The following TBC1D31 variants were observed in gnomAD, a reference collection of about 807,000 sequenced individuals.
The protein encoded by TBC1D31 is WD repeat domain 67.
A neutral mutation model predicts 132.9 loss-of-function variants in TBC1D31; 99 were observed. The observed-to-expected ratio is 0.74, with a 90% confidence interval of 0.63 to 0.88. TBC1D31 has a LOEUF of 0.88. Among genes scored for constraint, TBC1D31 ranks in the 40% least tolerant of loss-of-function variants. The probability of loss-of-function intolerance (pLI) is 0.00; values close to 1 mark genes in which losing one functional copy is unlikely to be tolerated. For missense variants in TBC1D31, 1,134 were observed against 1,256.6 expected (o/e 0.90, Z 1.48); for synonymous variants, 385 against 419.4 (o/e 0.92, Z 1.00).
chr8:123,127,655 G>A (rs1820200966), intron 13 of TBC1D31, among the ~76,000 whole-genome samples: 1 of 152,118 alleles, frequency 6.6e-6, no homozygotes, highest in South Asian at 2.1e-4. Flanking sequence ...TGGTCTTAGA[G>A]GGTCTGAATG....
At chr8:123,131,355 C>G (rs1420177560) in intron 16 of TBC1D31, among the ~76,000 whole-genome samples, 1 of 107,734 alleles carries the variant, frequency 9.3e-6, no homozygotes, top group Non-Finnish European at 1.7e-5. Flanking sequence ...CAGAGTGAGA[C>G]TCAGTCTCAA....
At position 123,129,073 on chromosome 8, in the gene TBC1D31, G is replaced by A; in HGVS notation, c.2125G>A (p.Val709Ile). 1 of 1,588,034 alleles carries A rather than the reference G, an allele frequency of 6.3e-7. No homozygotes were observed. The highest frequency in any genetic ancestry group is 8.6e-7 in the Non-Finnish European group (1 of 1,164,142). Reference sequence around the variant, plus strand: ...TAATATTACCTACTTAAGGCAGACAGTTGAAGATATGCAAGCTAAAGTCGA... The same window carrying A: ...TAATATTACCTACTTAAGGCAGACAATTGAAGATATGCAAGCTAAAGTCGA... Reference protein sequence around the residue: ...ELDYLRERQTVEDMQAKVDQQ... With the variant: ...ELDYLRERQTIEDMQAKVDQQ... The change falls in exon 15 of 22, where the codon GTT becomes ATT. Residue 709 changes from valine (V) to isoleucine (I), a missense_variant. By Grantham distance (29) the Val-to-Ile change is conservative. Coordinates refer to ENST00000287380, the MANE Select transcript of TBC1D31 (RefSeq NM_145647.4).
rs776598195 is a variant in TBC1D31 at position 123,093,747 on chromosome 8, T to C, written c.671+5T>C. 6 of 1,557,162 alleles carry C rather than the reference T, an allele frequency of 3.9e-6. No individual in the cohort carries two copies. The highest frequency in any genetic ancestry group is 4.4e-6 in the Non-Finnish European group (5 of 1,145,694). On this transcript the variant is annotated splice_donor_5th_base_variant and intron_variant, in intron 5 of 21. Transcript: ENST00000287380. ...CAAAGTGTTTGCTGTAACCAGGTAA[T>C]GTGCATTTTAAGACACTAGGAATAT...
intron 16 of TBC1D31, among the ~76,000 whole-genome samples, chr8:123,131,556 CTA>C (rs941226682): frequency 5.9e-5 from 9 of 151,916 alleles, no homozygotes; most frequent in Admixed American, 5.2e-4. Context: ...ATATGTGTAT[CTA>C]TTTCTCTTTT....
chr8:123,095,002 C>T (rs867032156), intron 5 of TBC1D31, among the ~76,000 whole-genome samples: 2 of 152,020 alleles, frequency 1.3e-5, no homozygotes, highest in African/African-American at 2.4e-5. Flanking sequence ...TTGATATATT[C>T]GTCTTTTTTT....
At chr8:123,073,424 A>G in intron 1 of TBC1D31, 1 of 456,062 alleles carries the variant, frequency 2.2e-6, no homozygotes, top group Non-Finnish European at 4.4e-6. Context: ...GAGTTTACAT[A>G]TCGGCGTGTA....
intron 8 of TBC1D31, among the ~76,000 whole-genome samples, chr8:123,106,925 C>T (rs1817984572): frequency 6.6e-6 from 1 of 152,200 alleles, no homozygotes; most frequent in African/African-American, 2.4e-5. Flanking sequence ...TCTTCTCCCA[C>T]TGGAGTCACA....
At chr8:123,119,096 C>G (rs1255121548) in intron 10 of TBC1D31, among the ~76,000 whole-genome samples, 1 of 152,112 alleles carries the variant, frequency 6.6e-6, no homozygotes, top group Non-Finnish European at 1.5e-5. Flanking sequence ...ATTGGAACTA[C>G]GTTGAAGTAC....
intron 4 of TBC1D31, among the ~76,000 whole-genome samples, chr8:123,086,863 G>A (rs1305146612): frequency 7.2e-5 from 11 of 152,048 alleles, no homozygotes; most frequent in South Asian, 2.1e-4. Context: ...GATTACAGTC[G>A]TGCGCCATGA....
chr8:123,144,067 T>C (rs1033543391), intron 19 of TBC1D31, among the ~76,000 whole-genome samples: 1 of 152,186 alleles, frequency 6.6e-6, no homozygotes, highest in African/African-American at 2.4e-5. Context: ...TATTTTGTGA[T>C]TTTTTAAAAA....
chr8:123,139,118 GTT>G (rs35012698), intron 17 of TBC1D31, among the ~76,000 whole-genome samples: 1 of 139,434 alleles, frequency 7.2e-6, no homozygotes. Flanking sequence ...CATATTTCTT[GTT>G]TTTTTTTTTT....
At chr8:123,075,864 A>T (rs940256532) in intron 1 of TBC1D31, among the ~76,000 whole-genome samples, 1 of 152,300 alleles carries the variant, frequency 6.6e-6, no homozygotes, top group Middle Eastern at 3.4e-3. Flanking sequence ...TTGTGCTGTA[A>T]GTTAATTTTA....
At chr8:123,161,266 C>A in the TBC1D31 span, among the ~76,000 whole-genome samples, 12 of 152,230 alleles carry the variant, frequency 7.9e-5, no homozygotes, top group Non-Finnish European at 1.5e-4. Flanking sequence ...CTTCCTTGCC[C>A]TACGTCAGCC....
chr8:123,140,550 T>A (rs866586849), intron 17 of TBC1D31, among the ~76,000 whole-genome samples: 9 of 152,304 alleles, frequency 5.9e-5, no homozygotes, highest in Middle Eastern at 3.4e-3. Context: ...CATTTTTTTT[T>A]ATCAGTGTTC....
At position 123,093,717 on chromosome 8, in the gene TBC1D31, T is replaced by C. The variant is rs568852731; in HGVS notation, c.646T>C (p.Leu216=). ...LPAPPESSSI[L]YKVFAVTRDG... is the part of the protein sequence containing the mutation. ...AGCTCCACCTGAAAGCTCTAGTATA[T>C]TATACAAAGTGTTTGCTGTAACCAG... Residue 216 remains leucine (L), a synonymous_variant, in exon 5 of 22, where the codon TTA becomes CTA. Coordinates refer to ENST00000287380, the MANE Select transcript of TBC1D31 (RefSeq NM_145647.4). The C allele has an allele frequency of 6.2e-7, 1 of 1,602,018 alleles. No homozygotes were observed.
intron 1 of TBC1D31, chr8:123,073,294 C>G: frequency 2.2e-6 from 1 of 458,790 alleles, no homozygotes; most frequent in Non-Finnish European, 4.4e-6. Flanking sequence ...ATCCTTAAAT[C>G]CTTGGATGTG....
downstream of TBC1D31, among the ~76,000 whole-genome samples, chr8:123,154,070 C>T (rs1418857789): frequency 1.3e-5 from 2 of 152,296 alleles, no homozygotes; most frequent in South Asian, 2.1e-4. Flanking sequence ...AGCAAGATTT[C>T]GGCATTTGTA....
chr8:123,165,028 A>C, the TBC1D31 span, among the ~76,000 whole-genome samples: 1 of 152,238 alleles, frequency 6.6e-6, no homozygotes, highest in Non-Finnish European at 1.5e-5. Flanking sequence ...ATACAGATAC[A>C]CACAGAGAGA....
intron 5 of TBC1D31, among the ~76,000 whole-genome samples, chr8:123,094,016 A>G (rs1816609113): frequency 6.6e-6 from 1 of 151,678 alleles, no homozygotes. Context: ...CATCAGAACC[A>G]CTAAATATTT....
Sources: allele counts gnomAD v4.1 joint callset (sites outside exome capture counted in the v4.1 genomes callset), GRCh38; gene constraint gnomAD v4.1.1; transcripts MANE v1.5; gene names NCBI Gene and HGNC (gene_info 2026-07-23, HGNC 2026-07-21).